Variants in SND1 observed in about 807,000 individuals in gnomAD.
SND1 encodes the protein staphylococcal nuclease domain-containing protein 1.
In SND1, 38 loss-of-function variants were observed where a neutral mutation model predicts 121.7. That is an observed-to-expected ratio of 0.31 (90% CI 0.24 to 0.41). SND1 has a LOEUF of 0.41. SND1 is among the 10% of genes least tolerant of loss of function. The pLI is 1.00. For missense variants in SND1, 868 were observed against 1,184.6 expected (o/e 0.73, Z 3.92); for synonymous variants, 401 against 447.4 (o/e 0.90, Z 1.31).
At chr7:128,045,886 G>C (rs1792937190) in intron 16 of SND1, among the ~76,000 whole-genome samples, 1 of 152,174 alleles carries the variant, frequency 6.6e-6, no homozygotes, top group South Asian at 2.1e-4. Context: ...GAGAAGCATA[G>C]TTTCTTGTTT....
intron 10 of SND1, among the ~76,000 whole-genome samples, chr7:127,781,134 T>C (rs1258927948): frequency 6.6e-6 from 1 of 152,224 alleles, no homozygotes; most frequent in Admixed American, 6.5e-5. Flanking sequence ...GAGAGTGAGC[T>C]GCTTCAGGAG....
At chr7:127,687,792 TC>T (rs1421316059) in intron 2 of SND1, among the ~76,000 whole-genome samples, 1 of 152,188 alleles carries the variant, frequency 6.6e-6, no homozygotes, top group African/African-American at 2.4e-5. Flanking sequence ...CAAGTGATCT[TC>T]CCACCTCAGC....
chr7:127,933,421 T>C (rs1800993571), intron 15 of SND1, among the ~76,000 whole-genome samples: 1 of 152,250 alleles, frequency 6.6e-6, no homozygotes, highest in South Asian at 2.1e-4. Context: ...TGTGCTGTTA[T>C]ATTATGCATC....
chr7:127,670,439 T>C (rs965850688), intron 1 of SND1, among the ~76,000 whole-genome samples: 3 of 152,158 alleles, frequency 2.0e-5, no homozygotes, highest in African/African-American at 7.2e-5. Context: ...TTTTTGATAA[T>C]ACGATTCTTT....
chr7:127,844,998 ACAGT>A (rs1799033360), intron 12 of SND1, among the ~76,000 whole-genome samples: 1 of 152,214 alleles, frequency 6.6e-6, no homozygotes, highest in Non-Finnish European at 1.5e-5. Flanking sequence ...AAATATTACA[ACAGT>A]CAGCCAGTCC....
intron 10 of SND1, among the ~76,000 whole-genome samples, chr7:127,756,499 A>C (rs1446966735): frequency 1.3e-5 from 2 of 152,198 alleles, no homozygotes; most frequent in African/African-American, 2.4e-5. Context: ...TTTTATCTTC[A>C]TTCTTGTGAA....
chr7:128,075,625 T>C (rs1793494313), intron 17 of SND1, among the ~76,000 whole-genome samples: 1 of 152,160 alleles, frequency 6.6e-6, no homozygotes, highest in African/African-American at 2.4e-5. Context: ...TATTCTTCCC[T>C]TCCCCTGGGG....
intron 10 of SND1, among the ~76,000 whole-genome samples, chr7:127,738,980 T>A (rs1796828895): frequency 6.6e-6 from 1 of 152,180 alleles, no homozygotes; most frequent in Non-Finnish European, 1.5e-5. Flanking sequence ...TGTGTTTGTG[T>A]GATGCACAGG....
At chr7:127,833,574 T>G (rs1386108886) in intron 11 of SND1, among the ~76,000 whole-genome samples, 1 of 152,106 alleles carries the variant, frequency 6.6e-6, no homozygotes, top group African/African-American at 2.4e-5. Context: ...CTGAACTGTC[T>G]TATTGAAGTA....
At chr7:127,983,544 A>C (rs4731388) in intron 15 of SND1, among the ~76,000 whole-genome samples, 1 of 151,926 alleles carries the variant, frequency 6.6e-6, no homozygotes, top group South Asian at 2.1e-4. Flanking sequence ...GCACCCCTTT[A>C]TCTGCTAGCT....
At chr7:128,007,473 T>C (rs1309786778) in intron 16 of SND1, among the ~76,000 whole-genome samples, 2 of 152,218 alleles carry the variant, frequency 1.3e-5, no homozygotes, top group Non-Finnish European at 2.9e-5. Context: ...AGGCAACTAG[T>C]GCAGCAGATG....
intron 14 of SND1, among the ~76,000 whole-genome samples, chr7:127,921,606 C>G (rs1190835169): frequency 6.6e-6 from 1 of 151,964 alleles, no homozygotes; most frequent in African/African-American, 2.4e-5. Context: ...GTAAAATGTT[C>G]TCATTTTTAG....
chr7:127,848,995 C>A (rs933711035), intron 12 of SND1, among the ~76,000 whole-genome samples: 2 of 152,064 alleles, frequency 1.3e-5, no homozygotes, highest in Non-Finnish European at 2.9e-5. Flanking sequence ...AAATTTTTTT[C>A]TTGATTAACT....
Position 127,652,199 on chromosome 7 carries a change from T to G in SND1, c.-175T>G. 3.0e-6 allele frequency: 2 copies of G among 660,644 alleles called. No homozygotes were observed. The highest frequency in any genetic ancestry group is 5.5e-6 in the Non-Finnish European group (2 of 362,286). 40.9% of individuals were successfully genotyped at this position (660,644 alleles called of 1,614,324 possible). On this transcript the variant is annotated 5_prime_UTR_variant, in exon 1 of 24. Transcript: ENST00000354725. Reference sequence around the variant, plus strand: ...GGCGGCGGCGGAGATCGCGTCTCTTTCGCTCCGTGTCCCGCTGCTGCTCCT... The same window carrying G: ...GGCGGCGGCGGAGATCGCGTCTCTTGCGCTCCGTGTCCCGCTGCTGCTCCT...
At chr7:128,028,949 C>A (rs1306030089) in intron 16 of SND1, 1 of 1,608,310 alleles carries the variant, frequency 6.2e-7, no homozygotes, top group African/African-American at 1.3e-5. Flanking sequence ...TCTCAACAGT[C>A]CGGGCGGCTG....
intron 15 of SND1, among the ~76,000 whole-genome samples, chr7:127,966,951 C>T (rs182055983): frequency 2.3e-4 from 35 of 152,216 alleles, no homozygotes; most frequent in Admixed American, 4.6e-4. Context: ...ATTGATAGAG[C>T]GGCATATTTC....
chr7:127,751,193 C>T (rs1161299085), intron 10 of SND1, among the ~76,000 whole-genome samples: 1 of 151,656 alleles, frequency 6.6e-6, no homozygotes, highest in East Asian at 1.9e-4. Context: ...TTCAGTCTTC[C>T]CTCTCTTGTT....
intron 10 of SND1, among the ~76,000 whole-genome samples, chr7:127,787,548 C>T (rs1163148268): frequency 6.6e-6 from 1 of 152,212 alleles, no homozygotes; most frequent in African/African-American, 2.4e-5. Flanking sequence ...ATTTGATCCT[C>T]TGAGAATCTG....
chr7:127,861,823 G>T (rs1449513593), intron 12 of SND1, among the ~76,000 whole-genome samples: 1 of 152,182 alleles, frequency 6.6e-6, no homozygotes, highest in Admixed American at 6.5e-5. Context: ...AAAACAGTAA[G>T]TAGAAGTCTG....
Sources: gnomAD v4.1 joint callset for allele counts (sites outside exome capture counted in the v4.1 genomes callset) on GRCh38, gnomAD v4.1.1 for gene constraint, MANE v1.5 for transcripts, NCBI Gene and HGNC (gene_info 2026-07-23, HGNC 2026-07-21) for gene names.